GEMIN5: variants seen among roughly 807,000 people sequenced by gnomAD.
GEMIN5 encodes the protein gem-associated protein 5.
In GEMIN5, 124 loss-of-function variants were observed where a neutral mutation model predicts 176.9. The observed-to-expected ratio is 0.70, with a 90% CI of 0.61 to 0.81. The LOEUF is 0.81. Among genes scored for constraint, GEMIN5 ranks in the 40% least tolerant of loss-of-function variants. The pLI, the probability that GEMIN5 is intolerant of heterozygous loss-of-function variation, is 0.00. For synonymous variants in GEMIN5, 673 were observed against 665.2 expected, an observed-to-expected ratio of 1.01 and a Z score of -0.18; for missense variants, 1,843 against 1,814.6, an observed-to-expected ratio of 1.02 and a Z score of -0.28.
chr5:154,896,646 T>A (rs1453894173), intron 23 of GEMIN5, among the ~76,000 whole-genome samples: 6 of 152,220 alleles, frequency 3.9e-5, no homozygotes, highest in African/African-American at 1.4e-4. Flanking sequence ...ACCAGCCACT[T>A]AAGCCTTGTA....
chr5:154,894,655 C>T (rs1763309565), intron 24 of GEMIN5, among the ~76,000 whole-genome samples: 1 of 151,918 alleles, frequency 6.6e-6, no homozygotes, highest in Non-Finnish European at 1.5e-5. Context: ...GCCTATAATC[C>T]CAGCACTTTG....
In GEMIN5 at chr5:154,925,840, A is replaced by G. The variant is rs769268971; in HGVS notation, c.1293+22T>C. ...TTTGGAAAAAAAAAAGTTCAAAACA[A>G]GCTCAAAAAAAGAATCCTTACCGCT... On this transcript the variant is annotated intron_variant, in intron 8 of 27. Transcript: ENST00000285873. 4.9e-6 allele frequency: 7 copies of G among 1,428,138 alleles called. No individual in the cohort carries two copies. The South Asian group carries it at 7.2e-5, about 15-fold the overall frequency. 88.5% of individuals were successfully genotyped at this position (1,428,138 alleles called of 1,614,324 possible). A position where few individuals can be genotyped will look rare whatever the true frequency, so the allele number is the denominator to read the frequency against.
intron 23 of GEMIN5, among the ~76,000 whole-genome samples, 171 bp from the exon 24 acceptor site, chr5:154,896,514 G>A (rs921285179): frequency 1.3e-5 from 2 of 152,156 alleles, no homozygotes; most frequent in African/African-American, 2.4e-5. Flanking sequence ...CAAAAGGGGC[G>A]ATCTGACAGA....
intron 13 of GEMIN5, among the ~76,000 whole-genome samples, chr5:154,914,529 A>G (rs920977891): frequency 7.0e-6 from 1 of 143,660 alleles, no homozygotes; most frequent in Non-Finnish European, 1.5e-5. Flanking sequence ...TTTTTTTTTT[A>G]AAGAGACTAG....
At chr5:154,891,784 A>T (rs746399842) in intron 25 of GEMIN5, 42 bp from the exon 26 acceptor site, 1 of 1,525,890 alleles carries the variant, frequency 6.6e-7, no homozygotes, top group Non-Finnish European at 8.8e-7. Flanking sequence ...GCATTTCTCT[A>T]GTTGCCAGAA....
Position 154,915,958 on chromosome 5 carries a change from T to TA in GEMIN5, c.1855+1039dup, listed in dbSNP as rs967959647. Among the ~76,000 whole-genome samples, 232 of 151,416 alleles carry TA rather than the reference T, an allele frequency of 1.5e-3. 1 individual carries two copies. Among genetic ancestry groups the TA allele is most frequent in the African/African-American group, 5.0e-3 (208 of 41,340 alleles). On this transcript the variant is annotated intron_variant, in intron 13 of 27. Transcript: ENST00000285873. ...GTTTATTGTAATACTACTTAAATTG[T>TA]AAAAAAAAATAAATAATTTGAATGT... is the stretch of plus-strand genomic sequence containing the variant.
intron 15 of GEMIN5, among the ~76,000 whole-genome samples, chr5:154,908,942 T>C (rs765826110): frequency 1.3e-5 from 2 of 152,008 alleles, no homozygotes; most frequent in African/African-American, 2.4e-5. Flanking sequence ...TGCCAAATGG[T>C]GAGTTTGTTT....
chr5:154,911,771 T>G lies in GEMIN5; in HGVS notation c.2123A>C (p.His708Pro). 1.2e-6 allele frequency: 2 copies of G among 1,614,076 alleles called. No individual in the cohort carries two copies. The highest frequency in any genetic ancestry group is 1.7e-6 in the Non-Finnish European group (2 of 1,179,924). ...IYSGADDFCV[H>P]KWLTSMQDHS... is the part of the protein sequence containing the mutation. ...ATCTTGCATGGAAGTGAGCCACTTG[T>G]GCACACAAAAGTCATCTGCCCCTGA... is the stretch of plus-strand genomic sequence containing the variant. Residue 708 changes from histidine to proline, a missense_variant, in exon 15 of 28, where the codon CAC becomes CCC. His to Pro is a moderately conservative substitution (Grantham distance 77). Coordinates refer to ENST00000285873, the MANE Select transcript of GEMIN5 (RefSeq NM_015465.5).
chr5:154,891,410 C>G lies in GEMIN5; in HGVS notation c.4093G>C (p.Ala1365Pro). ...GTTCTCTGTGAGTTTTGGAGACTGG[C>G]ATGCTTTTCTGAAAAGAGCTCCTTA... ...TFKELFSEKH[A>P]SLQNSQRTVA... is the part of the protein sequence containing the mutation. Residue 1365 changes from alanine to proline, a missense_variant, in exon 26 of 28, where the codon GCC becomes CCC. By Grantham distance (27) the Ala-to-Pro change is conservative. Transcript: ENST00000285873. 2.5e-6 allele frequency: 4 copies of G among 1,614,126 alleles called. No individual in the cohort carries two copies. Among genetic ancestry groups the G allele is most frequent in the Non-Finnish European group, 2.5e-6 (3 of 1,180,018 alleles).
At chr5:154,905,528 G>A (rs1763551403) in intron 16 of GEMIN5, 52 bp from the exon 17 acceptor site, 1 of 815,274 alleles carries the variant, frequency 1.2e-6, no homozygotes, top group Admixed American at 2.4e-5. Flanking sequence ...CAATAATACA[G>A]AATTTCAGTT....
Position 154,910,855 on chromosome 5 carries a change from C to A in GEMIN5, c.2167+872G>T, listed in dbSNP as rs1476040899. Among the ~76,000 whole-genome samples the A allele has an allele frequency of 2.0e-5, 3 of 152,276 alleles. No individual in the cohort carries two copies. The South Asian group carries it at 6.2e-4, about 32-fold the overall frequency. On this transcript the variant is annotated intron_variant, in intron 15 of 27. Transcript: ENST00000285873. ...CTGGGACTACAGGCACCCGCCAACA[C>A]GCCCGGGTAATTTTTTGTATTTTTA... is the stretch of plus-strand genomic sequence containing the variant.
chr5:154,898,054 C>G (rs572448234), intron 23 of GEMIN5, among the ~76,000 whole-genome samples: 1 of 151,950 alleles, frequency 6.6e-6, no homozygotes, highest in Admixed American at 6.6e-5. Context: ...AAGCGTGCCA[C>G]CACGCTCGGC....
At chr5:154,921,188 C>T (rs1763913464) in intron 10 of GEMIN5, among the ~76,000 whole-genome samples, 155 bp downstream of exon 10, 1 of 152,150 alleles carries the variant, frequency 6.6e-6, no homozygotes, top group Admixed American at 6.5e-5. Context: ...TTATCATCTG[C>T]CACTACTGTC....
rs1561725657 is a variant in GEMIN5, at chr5:154,924,558, C to A, written c.1294-4G>T. 6.9e-6 allele frequency: 11 copies of A among 1,585,282 alleles called. No homozygotes were observed. Among genetic ancestry groups the A allele is most frequent in the African/African-American group, 4.1e-5 (3 of 73,318 alleles). On this transcript the variant is annotated splice_polypyrimidine_tract_variant and splice_region_variant and intron_variant, in intron 8 of 27. Transcript: ENST00000285873. The stretch of plus-strand genomic sequence containing the variant: ...CCTTGGTTGGGTGCCAGCACAGCTA[C>A]AAAAAAAAGAGTTTCCAAGTGAGAA...
intron 13 of GEMIN5, among the ~76,000 whole-genome samples, chr5:154,914,387 A>G (rs990690303): frequency 6.6e-6 from 1 of 152,200 alleles, no homozygotes; most frequent in African/African-American, 2.4e-5. Context: ...AGACATGACA[A>G]CAAAATGCAA....
intron 3 of GEMIN5, among the ~76,000 whole-genome samples, chr5:154,934,089 C>T (rs1284353791): frequency 6.6e-6 from 1 of 152,188 alleles, no homozygotes; most frequent in Non-Finnish European, 1.5e-5. Flanking sequence ...AATCTCATCT[C>T]ACTGCAACCT....
At chr5:154,891,055 C>CTTTTTTTTTTTTTTTTT (rs548747613) in intron 26 of GEMIN5, among the ~76,000 whole-genome samples, 186 bp downstream of exon 26, 1 of 93,938 alleles carries the variant, frequency 1.1e-5, no homozygotes, top group Non-Finnish European at 1.9e-5. Flanking sequence ...TGTGCCCGGG[C>CTTTTTTTTTTTTTTTTT]TTTTTTTTTT....
At chr5:154,935,793 C>T (rs1025510846) in intron 3 of GEMIN5, 48 bp downstream of exon 3, 9 of 1,350,314 alleles carry the variant, frequency 6.7e-6, no homozygotes, top group Middle Eastern at 1.9e-4. Flanking sequence ...ATGCAAAACA[C>T]GATCATAAAC....
chr5:154,928,234 G>A (rs7726729), intron 6 of GEMIN5, among the ~76,000 whole-genome samples: 19,074 of 152,166 alleles, frequency 0.13, 1,257 homozygotes, highest in South Asian at 0.23. Flanking sequence ...TGAAGTGACT[G>A]AAGCTCAGAA....
Sources: allele counts gnomAD v4.1 joint callset (sites outside exome capture counted in the v4.1 genomes callset), GRCh38; gene constraint gnomAD v4.1.1; transcripts MANE v1.5; gene names NCBI Gene and HGNC (gene_info 2026-07-23, HGNC 2026-07-21).